PCNX1: variants seen among roughly 807,000 people sequenced by gnomAD.
The protein encoded by PCNX1 is pecanex-like protein 1.
Under a neutral mutation model 242.2 loss-of-function variants are expected in PCNX1, and 78 were observed. That is an observed-to-expected ratio of 0.32 (90% CI 0.27 to 0.39). PCNX1 has a LOEUF of 0.39. Ranked by LOEUF, PCNX1 falls within the 10% of genes least tolerant of loss-of-function variation. PCNX1 has a pLI of 1.00. For missense variants in PCNX1, 2,581 were observed against 2,856.5 expected, an observed-to-expected ratio of 0.90 and a Z score of 2.20; for synonymous variants, 1,024 against 1,032.9, an observed-to-expected ratio of 0.99 and a Z score of 0.17.
intron 8 of PCNX1, among the ~76,000 whole-genome samples, chr14:70,997,565 C>CT (rs2059389032): frequency 6.6e-6 from 1 of 152,124 alleles, no homozygotes; most frequent in Admixed American, 6.5e-5. Flanking sequence ...TTGGAGACGA[C>CT]TTTAGCATCT....
At chr14:70,991,431 C>G (rs2059163765) in intron 7 of PCNX1, among the ~76,000 whole-genome samples, 1 of 152,186 alleles carries the variant, frequency 6.6e-6, no homozygotes, top group South Asian at 2.1e-4. Context: ...GTCTTGAACT[C>G]CTGACCTCGT....
chr14:71,098,508 TCG>T (rs1491119553), intron 30 of PCNX1, among the ~76,000 whole-genome samples: 34 of 107,192 alleles, frequency 3.2e-4, no homozygotes, highest in Middle Eastern at 3.9e-3. Context: ...TTAGATGTAT[TCG>T]TGTGTGTGTG....
intron 1 of PCNX1, among the ~76,000 whole-genome samples, chr14:70,936,904 G>A (rs925337446): frequency 6.6e-5 from 10 of 152,202 alleles, no homozygotes; most frequent in Admixed American, 6.5e-5. Context: ...ATTTTTTTAT[G>A]TGTCTGTTGG....
chr14:71,022,880 A>G (rs1231507664), intron 12 of PCNX1, among the ~76,000 whole-genome samples: 2 of 152,052 alleles, frequency 1.3e-5, no homozygotes, highest in Admixed American at 1.3e-4. Context: ...CCTTAACTCC[A>G]CTTGTATATA....
intron 1 of PCNX1, among the ~76,000 whole-genome samples, chr14:70,917,800 C>T (rs767221591): frequency 6.6e-6 from 1 of 152,188 alleles, no homozygotes; most frequent in Non-Finnish European, 1.5e-5. Flanking sequence ...TTGACTTAAC[C>T]TTCTCTGGCT....
intron 6 of PCNX1, among the ~76,000 whole-genome samples, chr14:70,980,200 C>T (rs1035945403): frequency 5.3e-5 from 8 of 151,150 alleles, no homozygotes; most frequent in African/African-American, 1.7e-4. Context: ...TAAATTCATG[C>T]GTTTATATTT....
chr14:70,967,976 G>A (rs1397912009), intron 3 of PCNX1, among the ~76,000 whole-genome samples: 3 of 152,142 alleles, frequency 2.0e-5, no homozygotes, highest in Admixed American at 2.0e-4. Flanking sequence ...CAGAGGGATT[G>A]GGTAGCTCCA....
At chr14:70,996,054 TTTAC>T in intron 8 of PCNX1, 129 bp downstream of exon 8, 2 of 670,552 alleles carry the variant, frequency 3.0e-6, no homozygotes, top group Non-Finnish European at 5.2e-6. Flanking sequence ...TTACATAGGA[TTTAC>T]CCTATGTGTT....
At chr14:71,101,259 C>T (rs1219091557) in intron 30 of PCNX1, among the ~76,000 whole-genome samples, 2 of 152,168 alleles carry the variant, frequency 1.3e-5, no homozygotes, top group African/African-American at 2.4e-5. Flanking sequence ...TTCAAAACTG[C>T]AGATTTGTGT....
chr14:71,050,535 G>A lies in PCNX1; in HGVS notation c.4339-117G>A, dbSNP rs2060997573. ...TATGTAAATGGCAAATAATTTCAAT[G>A]CCATTTCCCTATTAGGAGAACTTCT... On this transcript the variant is annotated intron_variant, in intron 22 of 35. Transcript: ENST00000304743. 4 of 830,174 alleles carry A rather than the reference G, an allele frequency of 4.8e-6. No homozygotes were observed. The East Asian group carries it at 8.6e-5, about 18-fold the overall frequency. The allele number at this position is 830,174 out of a possible 1,614,324, so 51.4% of individuals were successfully genotyped here.
At chr14:71,026,686 G>A in intron 14 of PCNX1, 86 bp from the exon 15 acceptor site, 1 of 541,972 alleles carries the variant, frequency 1.8e-6, no homozygotes, top group Non-Finnish European at 3.1e-6. Context: ...TGTTAATTTG[G>A]GATTTTTAAA....
chr14:71,024,318 AGG>A (rs1423589440), intron 13 of PCNX1, among the ~76,000 whole-genome samples: 1 of 152,126 alleles, frequency 6.6e-6, no homozygotes, highest in Non-Finnish European at 1.5e-5. Context: ...TTATTCAAAT[AGG>A]TTTTGCCCAT....
rs767213602 is a variant in PCNX1, at chr14:71,079,521, G to A, written c.5337+3102G>A. 1.8e-4 allele frequency among the ~76,000 whole-genome samples: 28 copies of A among 151,938 alleles called. 1 individual carries two copies. The highest frequency in any genetic ancestry group is 3.8e-4 in the Non-Finnish European group (26 of 67,948). On this transcript the variant is annotated intron_variant, in intron 28 of 35. Coordinates refer to ENST00000304743, the MANE Select transcript of PCNX1 (RefSeq NM_014982.3). The stretch of plus-strand genomic sequence containing the variant: ...TCCAGCACCTGACTTTTTAATGATC[G>A]CCTGACTTTGTAACTTTTTTTTGTT...
intron 1 of PCNX1, among the ~76,000 whole-genome samples, chr14:70,939,961 T>C (rs1158556188): frequency 6.6e-6 from 1 of 152,222 alleles, no homozygotes; most frequent in African/African-American, 2.4e-5. Flanking sequence ...CCTTGTTTTT[T>C]TTGTTTTCCA....
chr14:70,935,449 G>C (rs1265278335), intron 1 of PCNX1, among the ~76,000 whole-genome samples: 1 of 152,198 alleles, frequency 6.6e-6, no homozygotes, highest in Non-Finnish European at 1.5e-5. Flanking sequence ...TTGGCACCCA[G>C]TTGGCCACTG....
intron 5 of PCNX1, among the ~76,000 whole-genome samples, chr14:70,972,658 T>A (rs1018878340): frequency 6.6e-5 from 10 of 152,310 alleles, no homozygotes; most frequent in Non-Finnish European, 5.9e-5. Flanking sequence ...ATCCAAGCCT[T>A]TAGTTGGTTA....
chr14:71,076,705 C>G (rs1359898585), intron 28 of PCNX1, among the ~76,000 whole-genome samples: 1 of 152,198 alleles, frequency 6.6e-6, no homozygotes, highest in African/African-American at 2.4e-5. Flanking sequence ...CATTCACATT[C>G]CATGCATTAC....
chr14:71,103,713 C>T, intron 32 of PCNX1, 44 bp downstream of exon 32: 1 of 1,582,462 alleles, frequency 6.3e-7, no homozygotes, highest in South Asian at 1.1e-5. Context: ...GTATTCCTGA[C>T]CCTCTTAATC....
In PCNX1 at chr14:70,950,478, A is replaced by G. The variant is rs1030182403; in HGVS notation, c.362+3355A>G. Among the ~76,000 whole-genome samples, 4 of 152,146 alleles carry G rather than the reference A, an allele frequency of 2.6e-5. No individual in the cohort carries two copies. In the South Asian group the frequency reaches 8.3e-4, roughly 31 times the overall value. ...TGATGTTTAAATTTTCAATGATTAA[A>G]TGTTCTATCATAGTTTTTCAGAGGT... is the stretch of plus-strand genomic sequence containing the variant. On this transcript the variant is annotated intron_variant, in intron 2 of 35. Coordinates refer to ENST00000304743, the MANE Select transcript of PCNX1 (RefSeq NM_014982.3).
Sources: gnomAD v4.1 joint callset for allele counts (sites outside exome capture counted in the v4.1 genomes callset) on GRCh38, gnomAD v4.1.1 for gene constraint, MANE v1.5 for transcripts, NCBI Gene and HGNC (gene_info 2026-07-23, HGNC 2026-07-21) for gene names.